CACNA1A: variants seen among roughly 807,000 people sequenced by gnomAD.
CACNA1A encodes the protein calcium voltage-gated channel subunit alpha1 A.
In CACNA1A, 57 loss-of-function variants were observed where a neutral mutation model predicts 262.4. The observed-to-expected ratio is 0.22, with a 90% confidence interval of 0.18 to 0.27. The LOEUF (loss-of-function observed/expected upper bound fraction) is 0.27, where lower values mean the gene tolerates loss of function less well. Among genes scored for constraint, CACNA1A ranks in the 10% least tolerant of loss-of-function variants. The pLI is 1.00. For synonymous variants in CACNA1A, 1,431 were observed against 1,419.3 expected (o/e 1.01, Z -0.18); for missense variants, 2,526 against 3,562.8 (o/e 0.71, Z 7.41).
At chr19:13,471,054 T>C (rs1176286260) in intron 1 of CACNA1A, among the ~76,000 whole-genome samples, 1 of 152,176 alleles carries the variant, frequency 6.6e-6, no homozygotes, top group Non-Finnish European at 1.5e-5. Flanking sequence ...TTGGTGCCTC[T>C]ACATGTCTTT....
At chr19:13,443,126 T>C (rs1052296594) in intron 3 of CACNA1A, among the ~76,000 whole-genome samples, 1 of 152,118 alleles carries the variant, frequency 6.6e-6, no homozygotes, top group Non-Finnish European at 1.5e-5. Context: ...GTGTGCATTA[T>C]AGCTCATGCA....
rs1568423655 is a variant in CACNA1A at position 13,212,431 on chromosome 19, C to T, written c.6142G>A (p.Glu2048Lys). Residue 2048 changes from glutamate (E) to lysine (K), a missense_variant, in exon 42 of 47, where the codon GAA becomes AAA. Physicochemically the swap from Glu to Lys is moderately conservative, Grantham distance 56 (BLOSUM62 1). This residue lies in a region of CACNA1A where 929 missense variants were observed against 868.1 expected (regional missense o/e 1.07). Coordinates refer to ENST00000360228, the MANE Select transcript of CACNA1A (RefSeq NM_001127222.2). The surrounding 1 kb of genome is among the most constrained non-coding windows in gnomAD (Gnocchi z 5.6). ...MFQKTGTWSP[E>K]QGPPTDMPNS... ...GGCATGTCGGTAGGGGGGCCTTGTT[C>T]CGGACTCCATGTGCCCGTCTTCTGG... is the stretch of plus-strand genomic sequence containing the variant. 1 of 1,612,950 alleles carries T rather than the reference C, an allele frequency of 6.2e-7. No homozygotes were observed. Among genetic ancestry groups the T allele is most frequent in the Non-Finnish European group, 8.5e-7 (1 of 1,179,542 alleles).
intron 4 of CACNA1A, among the ~76,000 whole-genome samples, chr19:13,369,808 T>C (rs966758945): frequency 2.0e-5 from 3 of 152,010 alleles, no homozygotes; most frequent in African/African-American, 7.2e-5. Flanking sequence ...CTGGCTCTTT[T>C]GACTATTAGA....
intron 7 of CACNA1A, 100 bp from the exon 8 acceptor site, chr19:13,334,593 TTGTG>T (rs138143360): frequency 0.52 from 258,724 of 494,972 alleles, 64,614 homozygotes; most frequent in Admixed American, 0.58. Context: ...GTGTGTGTGT[TTGTG>T]TGTGTGTGTG....
intron 10 of CACNA1A, among the ~76,000 whole-genome samples, chr19:13,321,025 C>CTTTTTTTTTTTTTTTT (rs55792271): frequency 7.4e-6 from 1 of 135,940 alleles, no homozygotes; most frequent in Non-Finnish European, 1.6e-5. Flanking sequence ...TGTTCTTTTC[C>CTTTTTTTTTTTTTTTT]TTTTTTTTTT....
Position 13,343,270 on chromosome 19 carries a change from G to A in CACNA1A, c.979-7361C>T, listed in dbSNP as rs567641774. ...AGAGTAGCTGGGATTACAGGTGCCC[G>A]CCACCACACCTAGCTAATTTTTGTA... is the stretch of plus-strand genomic sequence containing the variant. On this transcript the variant is annotated intron_variant, in intron 6 of 46. Transcript: ENST00000360228. 5.3e-5 allele frequency among the ~76,000 whole-genome samples: 8 copies of A among 151,910 alleles called. 1 individual carries two copies. The highest frequency in any genetic ancestry group is 3.4e-3 in the Middle Eastern group (1 of 294).
At position 13,208,021 on chromosome 19, in the gene CACNA1A, G is replaced by A; in HGVS notation, c.6813C>T (p.Pro2271=). ...GSSSVSGSPA[P]STSGTSTPRR... The stretch of plus-strand genomic sequence containing the variant: ...GCGGAGTGCTGGTACCAGATGTTGA[G>A]GGGGCTGGGCTTCCACTTACGGAAC... The change falls in exon 47 of 47, where the codon CCC becomes CCT. Residue 2271 remains proline (P), a synonymous_variant. Coordinates refer to ENST00000360228, the MANE Select transcript of CACNA1A (RefSeq NM_001127222.2). 7.6e-7 allele frequency: 1 copy of A among 1,315,208 alleles called. No homozygotes were observed. Among genetic ancestry groups the A allele is most frequent in the Non-Finnish European group, 9.6e-7 (1 of 1,036,900 alleles). 81.5% of individuals were successfully genotyped at this position (1,315,208 alleles called of 1,614,324 possible).
intron 3 of CACNA1A, among the ~76,000 whole-genome samples, chr19:13,441,608 G>C (rs1166698050): frequency 6.6e-6 from 1 of 150,570 alleles, no homozygotes; most frequent in East Asian, 2.0e-4. Context: ...AGGCTGCAGT[G>C]AGCCAAGATC....
intron 3 of CACNA1A, among the ~76,000 whole-genome samples, chr19:13,387,657 A>G (rs1168866369): frequency 6.6e-6 from 1 of 152,138 alleles, no homozygotes; most frequent in Non-Finnish European, 1.5e-5. Flanking sequence ...TTTACAGAGG[A>G]GCAACTACCA....
intron 19 of CACNA1A, among the ~76,000 whole-genome samples, chr19:13,289,401 C>A (rs114897722): frequency 0.045 from 6,839 of 152,220 alleles, 233 homozygotes; most frequent in East Asian, 0.12. Flanking sequence ...CTTGCCTCAG[C>A]CTCCCAAAAT....
chr19:13,483,127 T>C (rs888115650), intron 1 of CACNA1A, among the ~76,000 whole-genome samples: 2 of 152,158 alleles, frequency 1.3e-5, no homozygotes, highest in African/African-American at 4.8e-5. Flanking sequence ...ACTACTTCTA[T>C]ATGTGGCCTC....
At chr19:13,371,626 G>A (rs989622978) in intron 4 of CACNA1A, 62 bp downstream of exon 4, 3 of 1,228,858 alleles carry the variant, frequency 2.4e-6, no homozygotes, top group Admixed American at 2.0e-5. Context: ...TCTGCATAGG[G>A]GAAACTGAGG....
At chr19:13,224,535 G>T in intron 38 of CACNA1A, 132 bp downstream of exon 38, 1 of 618,800 alleles carries the variant, frequency 1.6e-6, no homozygotes, top group Non-Finnish European at 2.9e-6. Flanking sequence ...AAAAAACCCT[G>T]TGGAACGAAT....
chr19:13,345,163 G>C (rs1160146113), intron 6 of CACNA1A, among the ~76,000 whole-genome samples: 3 of 152,094 alleles, frequency 2.0e-5, no homozygotes, highest in Non-Finnish European at 2.9e-5. Context: ...AATTATGGTC[G>C]CATTAGCCAA....
chr19:13,350,143 G>C (rs553234776), intron 6 of CACNA1A, among the ~76,000 whole-genome samples: 33 of 152,292 alleles, frequency 2.2e-4, no homozygotes, highest in African/African-American at 7.5e-4. Flanking sequence ...AAGCTCTTAG[G>C]GGGTAGGTTC....
At chr19:13,208,293 C>G (rs1489260698) in intron 46 of CACNA1A, among the ~76,000 whole-genome samples, 3 of 149,854 alleles carry the variant, frequency 2.0e-5, no homozygotes, top group Non-Finnish European at 3.0e-5. Context: ...GGGGAGGAGT[C>G]GAAAACCAAC....
intron 6 of CACNA1A, among the ~76,000 whole-genome samples, chr19:13,338,914 G>A (rs1393520577): frequency 6.6e-6 from 1 of 152,048 alleles, no homozygotes. Context: ...TGCCGAGGCT[G>A]GAGTGCAGTG....
At chr19:13,264,666 A>G (rs1165944181) in intron 24 of CACNA1A, among the ~76,000 whole-genome samples, 1 of 152,138 alleles carries the variant, frequency 6.6e-6, no homozygotes, top group East Asian at 1.9e-4. Flanking sequence ...CCACTTCTCC[A>G]GTCACAGAAC....
chr19:13,331,283 C>T (rs752221561), intron 9 of CACNA1A, among the ~76,000 whole-genome samples: 20 of 152,110 alleles, frequency 1.3e-4, no homozygotes, highest in Non-Finnish European at 2.6e-4. Context: ...GTCGCCTAGG[C>T]TGGAGTGCAG....
Sources: allele counts gnomAD v4.1 joint callset (sites outside exome capture counted in the v4.1 genomes callset), GRCh38; gene constraint gnomAD v4.1.1; regional missense constraint gnomAD v4.1.1; non-coding constraint Gnocchi (gnomAD v3.1); transcripts MANE v1.5; gene names NCBI Gene and HGNC (gene_info 2026-07-23, HGNC 2026-07-21).